Variants in OR8B3 observed in about 807,000 individuals in gnomAD.
The protein encoded by OR8B3 is olfactory receptor family 8 subfamily B member 3.
For synonymous variants in OR8B3, 102 were observed against 135.4 expected (o/e 0.75, Z 1.71); for missense variants, 278 against 377.6 (o/e 0.74, Z 2.19).
At chr11:124,406,621 A>T in the OR8B3 span, among the ~76,000 whole-genome samples, 1 of 152,076 alleles carries the variant, frequency 6.6e-6, no homozygotes, top group Non-Finnish European at 1.5e-5. Flanking sequence ...CACCTTCTTC[A>T]TCCAGGCTTC....
chr11:124,408,602 A>G, the OR8B3 span, among the ~76,000 whole-genome samples: 1 of 152,172 alleles, frequency 6.6e-6, no homozygotes, highest in African/African-American at 2.4e-5. Context: ...GCACATCAGA[A>G]AAATTGAAAA....
Position 124,397,053 on chromosome 11 carries a change from T to C in OR8B3, c.299A>G (p.Gln100Arg), listed in dbSNP as rs530631592. 7.3e-5 allele frequency: 118 copies of C among 1,613,862 alleles called. No homozygotes were observed. Among genetic ancestry groups the C allele is most frequent in the Admixed American group, 2.0e-4 (12 of 59,976 alleles). ...NIISYVGCMT[Q>R]LFFFLFFVIS... ...GACAAAAAAGAGAAAGAAAAACAGC[T>C]GAGTCATGCACCCAACATAGGAGAT... The change falls in exon 2 of 2, where the codon CAG (glutamine) becomes CGG (arginine). Residue 100 changes from glutamine (Q) to arginine (R), a missense_variant. Gln to Arg is a conservative substitution (Grantham distance 43). Transcript: ENST00000641139.
upstream of OR8B3, among the ~76,000 whole-genome samples, chr11:124,403,141 T>C (rs1032756950): frequency 1.3e-5 from 2 of 152,216 alleles, no homozygotes; most frequent in African/African-American, 4.8e-5. Context: ...AGCACAGGGT[T>C]TGGGGTAAGG....
the OR8B3 span, among the ~76,000 whole-genome samples, chr11:124,409,139 A>T: frequency 1.3e-5 from 2 of 152,166 alleles, no homozygotes; most frequent in Middle Eastern, 3.2e-3. Flanking sequence ...TTTTGTTTAA[A>T]CTGATTTGGC....
In OR8B3 at chr11:124,396,562, A is replaced by G. The variant is rs370588764; in HGVS notation, c.790T>C (p.Ser264Pro). ...ACTTTTCCCTGCTCCATAGATCCAG[A>G]AGAATATTTAATATACATGAATGCC... ...SAAFMYIKYS[S>P]GSMEQGKVSS... Residue 264 changes from serine to proline, a missense_variant, in exon 2 of 2, where the codon TCT becomes CCT. Ser to Pro is a moderately conservative substitution (Grantham distance 74). Coordinates refer to ENST00000641139, the MANE Select transcript of OR8B3 (RefSeq NM_001005467.2). 6.2e-7 allele frequency: 1 copy of G among 1,613,586 alleles called. No homozygotes were observed. The highest frequency in any genetic ancestry group is 8.5e-7 in the Non-Finnish European group (1 of 1,179,860).
upstream of OR8B3, among the ~76,000 whole-genome samples, chr11:124,401,254 A>T (rs1860990979): frequency 2.5e-5 from 1 of 39,732 alleles, no homozygotes; most frequent in African/African-American, 1.2e-4. Context: ...GAGAGACTGG[A>T]GCTGAACTCA....
rs1860863204 is a variant in OR8B3 at position 124,396,189 on chromosome 11, G to C, written c.*221C>G. On this transcript the variant is annotated 3_prime_UTR_variant, in exon 2 of 2. Transcript: ENST00000641139. The stretch of plus-strand genomic sequence containing the variant: ...GATAATGAAAAATATCAGTGCATAT[G>C]TTCCTTTTACAAAGATGCCATGACC... 3 of 508,512 alleles carry C rather than the reference G, an allele frequency of 5.9e-6. No individual in the cohort carries two copies. Among genetic ancestry groups the C allele is most frequent in the Admixed American group, 7.4e-5 (2 of 26,962 alleles). The allele number at this position is 508,512 out of a possible 1,614,324, so 31.5% of individuals were successfully genotyped here.
In OR8B3 at chr11:124,396,437, A is replaced by T; in HGVS notation, c.915T>A (p.Ile305=). ...AGAATATATTTCTTCTCTGAATTTT[A>T]ATCAGAGCTTTCCTCAGTGCAACTT... ...DVKVALRKAL[I]KIQRRNIF Residue 305 remains isoleucine, a synonymous_variant, in exon 2 of 2, where the codon ATT becomes ATA. Transcript: ENST00000641139. 2 of 1,604,684 alleles carry T rather than the reference A, an allele frequency of 1.2e-6. No individual in the cohort carries two copies. The highest frequency in any genetic ancestry group is 1.7e-6 in the Non-Finnish European group (2 of 1,177,506).
upstream of OR8B3, among the ~76,000 whole-genome samples, chr11:124,401,747 G>T (rs1860998617): frequency 6.6e-6 from 1 of 152,146 alleles, no homozygotes; most frequent in African/African-American, 2.4e-5. Context: ...ATCTGATCTG[G>T]GATACTTGGA....
chr11:124,397,750 G>T (rs1434181465), intron 1 of OR8B3, among the ~76,000 whole-genome samples: 1 of 151,498 alleles, frequency 6.6e-6, no homozygotes, highest in Admixed American at 6.6e-5. Context: ...TGGCTGGAGT[G>T]CAATGGTGGG....
chr11:124,408,697 C>G, the OR8B3 span, among the ~76,000 whole-genome samples: 30 of 152,152 alleles, frequency 2.0e-4, no homozygotes, highest in Non-Finnish European at 4.4e-4. Flanking sequence ...ACTCCATCTA[C>G]TATTTTAGGG....
chr11:124,397,708 T>A (rs1316881305), intron 1 of OR8B3, among the ~76,000 whole-genome samples: 1 of 152,020 alleles, frequency 6.6e-6, no homozygotes, highest in Non-Finnish European at 1.5e-5. Flanking sequence ...TCTTTTTTTT[T>A]TTTTTAAGAT....
At chr11:124,404,006 G>A (rs1013057027), upstream of OR8B3, among the ~76,000 whole-genome samples, 3 of 152,034 alleles carry the variant, frequency 2.0e-5, no homozygotes, top group East Asian at 1.9e-4. Flanking sequence ...CCAGGCACTC[G>A]GCAGGCTGAG....
At chr11:124,403,734 C>T (rs1861037264), upstream of OR8B3, among the ~76,000 whole-genome samples, 1 of 152,200 alleles carries the variant, frequency 6.6e-6, no homozygotes, top group Non-Finnish European at 1.5e-5. Flanking sequence ...AGGCTGCAAT[C>T]TCGGCACTTT....
chr11:124,399,698 C>T (rs979761031), upstream of OR8B3, among the ~76,000 whole-genome samples: 1 of 152,132 alleles, frequency 6.6e-6, no homozygotes, highest in Admixed American at 6.5e-5. Context: ...CCTCACATGG[C>T]GATGTCTTCC....
the OR8B3 span, among the ~76,000 whole-genome samples, chr11:124,405,839 G>A: frequency 1.3e-5 from 2 of 152,174 alleles, no homozygotes; most frequent in Non-Finnish European, 2.9e-5. Flanking sequence ...ACATTACTGA[G>A]CCTGTGTGTA....
chr11:124,408,278 G>T, the OR8B3 span, among the ~76,000 whole-genome samples: 1 of 152,008 alleles, frequency 6.6e-6, no homozygotes, highest in Non-Finnish European at 1.5e-5. Flanking sequence ...TCATTTTTCT[G>T]TCATATTTCA....
At position 124,398,801 on chromosome 11, in the gene OR8B3, G is replaced by A. The variant is rs1256499662; in HGVS notation, c.-129C>T. On this transcript the variant is annotated 5_prime_UTR_variant, in exon 1 of 2. Coordinates refer to ENST00000641139, the MANE Select transcript of OR8B3 (RefSeq NM_001005467.2). ...TCTATGTTGATCAGATGTAGTCACA[G>A]AATCTTCTTCTCCCTTGACTGGCAA... 6.6e-6 allele frequency: 1 copy of A among 152,186 alleles called. No individual in the cohort carries two copies. The highest frequency in any genetic ancestry group is 1.9e-4 in the East Asian group (1 of 5,190). 9.4% of individuals were successfully genotyped at this position (152,186 alleles called of 1,614,324 possible).
upstream of OR8B3, among the ~76,000 whole-genome samples, chr11:124,401,670 C>T (rs569501): frequency 0.87 from 132,017 of 152,260 alleles, 57,263 homozygotes; most frequent in South Asian, 0.92. Context: ...AGTAACCACA[C>T]TGCAACCAGC....
Sources: gnomAD v4.1 joint callset for allele counts (sites outside exome capture counted in the v4.1 genomes callset) on GRCh38, gnomAD v4.1.1 for gene constraint, MANE v1.5 for transcripts, NCBI Gene and HGNC (gene_info 2026-07-23, HGNC 2026-07-21) for gene names.